AFF2: variants seen among roughly 807,000 people sequenced by gnomAD.
AFF2 encodes the protein ALF transcription elongation factor 2.
AFF2 carries 14 observed loss-of-function variants against 76.9 expected under a neutral mutation model. The observed-to-expected ratio is 0.18, with a 90% CI of 0.12 to 0.28. The LOEUF (loss-of-function observed/expected upper bound fraction) is 0.28, where lower values mean the gene tolerates loss of function less well. AFF2 is among the 10% of genes least tolerant of loss of function. AFF2 has a pLI of 1.00. For synonymous variants in AFF2, 398 were observed against 366.7 expected, an observed-to-expected ratio of 1.09 and a Z score of -0.98; for missense variants, 868 against 1,001.1, an observed-to-expected ratio of 0.87 and a Z score of 1.79.
intron 7 of AFF2, among the ~76,000 whole-genome samples, chrX:148,878,219 A>G (rs1557278101): frequency 1.8e-5 from 2 of 112,027 alleles, no homozygotes; most frequent in Non-Finnish European, 3.8e-5. Context: ...TTTGATAGAC[A>G]GGCAGCCTAG....
intron 4 of AFF2, among the ~76,000 whole-genome samples, chrX:148,816,926 A>T (rs1479301336): frequency 1.8e-5 from 1 of 55,098 alleles, no homozygotes; most frequent in African/African-American, 5.9e-5. Context: ...TCACCACAAG[A>T]TCTATGCAAA....
At chrX:148,656,645 G>A (rs967861717) in intron 2 of AFF2, among the ~76,000 whole-genome samples, 7 of 104,419 alleles carry the variant, frequency 6.7e-5, no homozygotes, top group Non-Finnish European at 1.2e-4. Context: ...GACTACAGGC[G>A]CCCGCCACTA....
intron 1 of AFF2, among the ~76,000 whole-genome samples, chrX:148,643,385 A>G (rs781786458): frequency 3.9e-4 from 44 of 111,907 alleles, no homozygotes; most frequent in Admixed American, 9.5e-4. Context: ...GTATTTTTAT[A>G]AGCTTCCAAG....
chrX:148,998,996 C>T lies in AFF2; in HGVS notation c.*7664C>T, dbSNP rs782606173. 1 of 111,095 alleles carries T rather than the reference C, an allele frequency of 9.0e-6. No individual in the cohort carries two copies. The highest frequency in any genetic ancestry group is 3.3e-5 in the African/African-American group (1 of 30,532). 9.2% of individuals were successfully genotyped at this position (111,095 alleles called of 1,213,427 possible). A position where few individuals can be genotyped will look rare whatever the true frequency, so the allele number is the denominator to read the frequency against. On this transcript the variant is annotated 3_prime_UTR_variant, in exon 21 of 21. Coordinates refer to ENST00000370460, the MANE Select transcript of AFF2 (RefSeq NM_002025.4). Reference sequence around the variant, plus strand: ...CTAGGAATGAAATCTGGGCAAATATCGATGGGTTTTCAAAGAATGCTCCAT... The same window carrying T: ...CTAGGAATGAAATCTGGGCAAATATTGATGGGTTTTCAAAGAATGCTCCAT...
chrX:148,956,896 G>C (rs1035056903), intron 11 of AFF2, among the ~76,000 whole-genome samples: 3 of 113,086 alleles, frequency 2.7e-5, no homozygotes, highest in African/African-American at 3.2e-5. Flanking sequence ...GGCAAGGCAC[G>C]CAAGTGCCCT....
intron 7 of AFF2, among the ~76,000 whole-genome samples, chrX:148,885,648 G>C: frequency 9.0e-6 from 1 of 111,587 alleles, no homozygotes; most frequent in Non-Finnish European, 1.9e-5. Flanking sequence ...TGGAGATGCT[G>C]AAATAGTATT....
intron 3 of AFF2, among the ~76,000 whole-genome samples, chrX:148,791,786 C>A (rs1171129693): frequency 9.0e-6 from 1 of 111,142 alleles, no homozygotes; most frequent in Non-Finnish European, 1.9e-5. Context: ...GTTATGAATG[C>A]AAGGAAATAA....
intron 3 of AFF2, among the ~76,000 whole-genome samples, chrX:148,779,092 T>C (rs2069707234): frequency 8.9e-6 from 1 of 111,754 alleles, no homozygotes; most frequent in South Asian, 3.7e-4. Flanking sequence ...GCCTTGATAT[T>C]GTTATTTACC....
At chrX:148,910,463 A>G (rs1006889823) in intron 9 of AFF2, among the ~76,000 whole-genome samples, 1 of 112,645 alleles carries the variant, frequency 8.9e-6, no homozygotes, top group African/African-American at 3.2e-5. Flanking sequence ...AAAATTAAAT[A>G]CAAGATATAT....
intron 3 of AFF2, among the ~76,000 whole-genome samples, chrX:148,792,472 T>C (rs1380037446): frequency 5.3e-5 from 6 of 112,572 alleles, no homozygotes; most frequent in Non-Finnish European, 9.4e-5. Context: ...AAAAATAATA[T>C]ATAACCATTC....
At chrX:148,677,205 C>T (rs985655081) in intron 3 of AFF2, among the ~76,000 whole-genome samples, 1 of 110,655 alleles carries the variant, frequency 9.0e-6, no homozygotes, top group Non-Finnish European at 1.9e-5. Context: ...CTTGGGCAAG[C>T]AGTGGATGGT....
intron 3 of AFF2, among the ~76,000 whole-genome samples, chrX:148,721,773 T>C (rs1282603172): frequency 1.8e-5 from 2 of 112,336 alleles, no homozygotes; most frequent in Admixed American, 1.9e-4. Context: ...AGGGCCATGG[T>C]CCATTTGAAG....
At chrX:148,550,592 C>T (rs782694801) in intron 1 of AFF2, among the ~76,000 whole-genome samples, 3 of 111,160 alleles carry the variant, frequency 2.7e-5, no homozygotes, top group African/African-American at 9.8e-5. Flanking sequence ...GATTTTTTGA[C>T]CTTACAGTGG....
intron 1 of AFF2, among the ~76,000 whole-genome samples, chrX:148,554,382 A>G (rs137962583): frequency 0.033 from 3,637 of 111,204 alleles, 165 homozygotes; most frequent in African/African-American, 0.11. Flanking sequence ...GGGGAGAGGC[A>G]GACATGAGAA....
intron 1 of AFF2, among the ~76,000 whole-genome samples, chrX:148,584,550 T>G (rs782753937): frequency 5.4e-5 from 5 of 92,834 alleles, no homozygotes; most frequent in Admixed American, 2.8e-4. Context: ...TGGAGTTAAA[T>G]GAAATGATTT....
At chrX:148,834,252 TAGTC>T (rs2070491717) in intron 4 of AFF2, among the ~76,000 whole-genome samples, 1 of 112,370 alleles carries the variant, frequency 8.9e-6, no homozygotes, top group African/African-American at 3.2e-5. Context: ...TTATCCATGT[TAGTC>T]AGTCTTACAG....
chrX:148,708,082 T>C (rs2054908355), intron 3 of AFF2, among the ~76,000 whole-genome samples: 1 of 112,164 alleles, frequency 8.9e-6, no homozygotes, highest in African/African-American at 3.2e-5. Context: ...GTTGGCTTAT[T>C]CTTGTTAGTA....
chrX:148,588,854 C>T (rs1302924505), intron 1 of AFF2, among the ~76,000 whole-genome samples: 2 of 111,446 alleles, frequency 1.8e-5, no homozygotes, highest in African/African-American at 6.5e-5. Flanking sequence ...CTTGTAGAAC[C>T]GCAAAAACAT....
chrX:148,953,813 A>G, intron 10 of AFF2, 74 bp downstream of exon 10: 1 of 743,777 alleles, frequency 1.3e-6, no homozygotes, highest in Non-Finnish European at 2.0e-6. Context: ...ACACACACAC[A>G]GACACACACA....
Sources: allele counts gnomAD v4.1 joint callset (sites outside exome capture counted in the v4.1 genomes callset), GRCh38; gene constraint gnomAD v4.1.1; transcripts MANE v1.5; gene names NCBI Gene and HGNC (gene_info 2026-07-23, HGNC 2026-07-21).